Variants in BPTF observed in about 807,000 individuals in gnomAD.
BPTF encodes the protein nucleosome-remodeling factor subunit BPTF.
A neutral mutation model predicts 292.5 loss-of-function variants in BPTF; 18 were observed. The ratio of observed to expected loss-of-function variants is 0.06; its 90% CI spans 0.04 to 0.09. The LOEUF (loss-of-function observed/expected upper bound fraction) is 0.09, where lower values mean the gene tolerates loss of function less well. Ranked by LOEUF, BPTF falls within the 10% of genes least tolerant of loss-of-function variation. The pLI is 1.00. For synonymous variants in BPTF, 1,225 were observed against 1,251.9 expected, an observed-to-expected ratio of 0.98 and a Z score of 0.45; for missense variants, 2,726 against 3,498.7, an observed-to-expected ratio of 0.78 and a Z score of 5.57.
At position 67,891,993 on chromosome 17, in the gene BPTF, G is replaced by A. The variant is rs149719620; in HGVS notation, c.2014G>A (p.Ala672Thr). The change falls in exon 5 of 28, where the codon GCT becomes ACT. Residue 672 changes from alanine (A) to threonine (T), a missense_variant. By Grantham distance (58) the Ala-to-Thr change is moderately conservative (BLOSUM62 0). Around this residue, in one of 22 missense-constraint regions of BPTF, gnomAD observed 63 missense variants for 84.1 expected, o/e 0.75. Transcript: ENST00000306378. ...SQLKSQQVAA[A>T]AHEANKLFKE... ...GCTGAAGAGCCAGCAGGTGGCAGCC[G>A]CTGCACATGAAGCAAATAAATTATT... is the stretch of plus-strand genomic sequence containing the variant. 4.4e-6 allele frequency: 7 copies of A among 1,606,222 alleles called. No homozygotes were observed. Among genetic ancestry groups the A allele is most frequent in the Admixed American group, 1.7e-5 (1 of 58,796 alleles).
chr17:67,919,509 A>G (rs895045853), intron 12 of BPTF, among the ~76,000 whole-genome samples: 1 of 152,282 alleles, frequency 6.6e-6, no homozygotes. Context: ...AATGTCTTCC[A>G]GTCTGGATAA....
chr17:67,947,668 G>A, intron 21 of BPTF, 58 bp from the exon 22 acceptor site: 2 of 1,304,564 alleles, frequency 1.5e-6, no homozygotes, highest in South Asian at 2.7e-5. Context: ...GTTGTTATCT[G>A]TGTACTAACC....
At chr17:67,933,219 C>G (rs1218888985) in intron 18 of BPTF, among the ~76,000 whole-genome samples, 2 of 150,750 alleles carry the variant, frequency 1.3e-5, no homozygotes, top group Non-Finnish European at 2.9e-5. Flanking sequence ...GATTGTGCCA[C>G]TGTACTCCAG....
At chr17:67,886,390 T>TAA (rs2060754191) in intron 4 of BPTF, 1 of 1,058,472 alleles carries the variant, frequency 9.4e-7, no homozygotes, top group Non-Finnish European at 1.3e-6. Flanking sequence ...TGTGTGTGTG[T>TAA]GGTTTTTTGC....
intron 23 of BPTF, among the ~76,000 whole-genome samples, chr17:67,952,628 C>A (rs1354506253): frequency 6.6e-6 from 1 of 152,142 alleles, no homozygotes; most frequent in Admixed American, 6.6e-5. Context: ...ATTCCTCCCC[C>A]ACCCACACAC....
At chr17:67,924,488 T>A in intron 14 of BPTF, 59 bp from the exon 15 acceptor site, 2 of 1,509,556 alleles carry the variant, frequency 1.3e-6, no homozygotes, top group Non-Finnish European at 9.1e-7. Flanking sequence ...TTCACTCTTA[T>A]TAGATGCCAG....
chr17:67,962,408 G>A (rs1348535903), intron 24 of BPTF, among the ~76,000 whole-genome samples: 1 of 152,152 alleles, frequency 6.6e-6, no homozygotes, highest in African/African-American at 2.4e-5. Flanking sequence ...CTGTGTAAGC[G>A]TTTGTTACAT....
chr17:67,828,653 CA>C lies in BPTF; in HGVS notation c.613+2318del, dbSNP rs563127314. ...AAGCAATTCTCCTGCCTCAGCCTCC[CA>C]AGTAGCTGGGATTAAAGGCATGCAG... On this transcript the variant is annotated intron_variant, in intron 1 of 27. Coordinates refer to ENST00000306378, the MANE Select transcript of BPTF (RefSeq NM_182641.4). 1.0e-3 allele frequency among the ~76,000 whole-genome samples: 154 copies of C among 152,332 alleles called. 2 individuals are homozygous for C. The South Asian group carries it at 0.02, about 20-fold the overall frequency.
intron 15 of BPTF, among the ~76,000 whole-genome samples, chr17:67,925,829 C>T (rs573902948): frequency 6.6e-6 from 1 of 152,088 alleles, no homozygotes; most frequent in African/African-American, 2.4e-5. Context: ...TCTTCACTTA[C>T]ATCAAAGTTT....
At chr17:67,848,991 G>A (rs544333371) in intron 1 of BPTF, among the ~76,000 whole-genome samples, 6 of 152,198 alleles carry the variant, frequency 3.9e-5, no homozygotes, top group East Asian at 1.9e-4. Context: ...TTTTGTGGGC[G>A]TACATTAATG....
At chr17:67,870,529 C>G (rs2059658273) in intron 3 of BPTF, among the ~76,000 whole-genome samples, 1 of 152,078 alleles carries the variant, frequency 6.6e-6, no homozygotes, top group African/African-American at 2.4e-5. Flanking sequence ...TTTGTTCTCT[C>G]TGGTAACTAA....
intron 3 of BPTF, among the ~76,000 whole-genome samples, chr17:67,873,876 T>G (rs1358155811): frequency 6.6e-6 from 1 of 152,192 alleles, no homozygotes; most frequent in African/African-American, 2.4e-5. Context: ...CATTCTCCAA[T>G]TTGTTCTTCA....
intron 4 of BPTF, among the ~76,000 whole-genome samples, chr17:67,881,852 GTTTTTGTTTTTTTTTT>G (rs1045628454): frequency 7.8e-5 from 3 of 38,404 alleles, no homozygotes; most frequent in East Asian, 1.6e-3. Context: ...GGGATTTTGG[GTTTTTGTTTTTTTTTT>G]TTTTTTTTTT....
At position 67,931,957 on chromosome 17, in the gene BPTF, C is replaced by T; in HGVS notation, c.6197C>T (p.Thr2066Ile). 1 of 1,614,060 alleles carries T rather than the reference C, an allele frequency of 6.2e-7. No individual in the cohort carries two copies. Among genetic ancestry groups the T allele is most frequent in the Non-Finnish European group, 8.5e-7 (1 of 1,179,992 alleles). The change falls in exon 18 of 28, where the codon ACA (threonine) becomes ATA (isoleucine). Residue 2066 changes from threonine to isoleucine, a missense_variant. Coordinates refer to ENST00000306378, the MANE Select transcript of BPTF (RefSeq NM_182641.4). ...QIRPGMTVIR[T>I]PLQQSTLGKA... ...CGCCCTGGTATGACCGTGATTAGAA[C>T]ACCACTCCAACAGTCAACACTAGGA...
rs551668474 is a variant in BPTF, at chr17:67,832,183, C to T, written c.613+5846C>T. Among the ~76,000 whole-genome samples the T allele has an allele frequency of 7.1e-4, 108 of 151,946 alleles. 3 individuals carry two copies. In the South Asian group the frequency reaches 0.021, roughly 29 times the overall value. On this transcript the variant is annotated intron_variant, in intron 1 of 27. Coordinates refer to ENST00000306378, the MANE Select transcript of BPTF (RefSeq NM_182641.4). ...GATTACAGGGGTGAGCTGCCGTACC[C>T]GGCCTCTAATTTTTTTCATGCTTTT... is the stretch of plus-strand genomic sequence containing the variant.
intron 6 of BPTF, 135 bp from the exon 7 acceptor site, chr17:67,893,899 C>G (rs1217133709): frequency 1.6e-6 from 2 of 1,235,088 alleles, no homozygotes; most frequent in Non-Finnish European, 2.3e-6. Context: ...ACCGACACCA[C>G]TAACTATTTG....
chr17:67,895,332 CAAAAAAAAAAA>C (rs35234780), intron 7 of BPTF, among the ~76,000 whole-genome samples: 5 of 56,654 alleles, frequency 8.8e-5, no homozygotes, highest in East Asian at 1.0e-3. Context: ...GACTTCATCT[CAAAAAAAAAAA>C]AAAAAAAAAA....
chr17:67,873,317 G>C (rs112487679), intron 3 of BPTF, among the ~76,000 whole-genome samples: 1 of 151,980 alleles, frequency 6.6e-6, no homozygotes, highest in Admixed American at 6.6e-5. Flanking sequence ...AATTAGCCGG[G>C]TGTGGTGGCA....
chr17:67,955,656 GTC>G (rs1213877130), intron 23 of BPTF: 2 of 151,628 alleles, frequency 1.3e-5, no homozygotes, highest in Non-Finnish European at 2.9e-5. Flanking sequence ...GCGAAATCCT[GTC>G]TCTACTAAAA....
Sources: allele counts gnomAD v4.1 joint callset (sites outside exome capture counted in the v4.1 genomes callset), GRCh38; gene constraint gnomAD v4.1.1; regional missense constraint gnomAD v4.1.1; transcripts MANE v1.5; gene names NCBI Gene and HGNC (gene_info 2026-07-23, HGNC 2026-07-21).